SCOC: variants seen among roughly 807,000 people sequenced by gnomAD.
SCOC encodes short coiled coil protein.
In SCOC, 7 loss-of-function variants were observed where a neutral mutation model predicts 9.9. The observed-to-expected ratio is 0.71, with a 90% CI of 0.40 to 1.33. The LOEUF is 1.33. SCOC is among the 40% of genes most tolerant of loss of function. SCOC has a pLI of 0.01. For synonymous variants in SCOC, 19 were observed against 28.2 expected (o/e 0.67, Z 1.03); for missense variants, 66 against 89.7 (o/e 0.74, Z 1.07).
chr4:140,377,237 A>C (rs1728381432), intron 1 of SCOC, among the ~76,000 whole-genome samples: 1 of 152,168 alleles, frequency 6.6e-6, no homozygotes, highest in African/African-American at 2.4e-5. Flanking sequence ...TTTCACTGAC[A>C]CTCTTCCTCT....
chr4:140,361,654 C>T (rs1578858716), intron 2 of SCOC, among the ~76,000 whole-genome samples: 1 of 152,088 alleles, frequency 6.6e-6, no homozygotes, highest in East Asian at 1.9e-4. Context: ...GTGAGATCCT[C>T]TCTCTAAATA....
intron 3 of SCOC, 130 bp downstream of exon 3, chr4:140,379,782 A>G (rs539820325): frequency 3.0e-4 from 189 of 624,116 alleles, no homozygotes; most frequent in Non-Finnish European, 4.7e-4. Flanking sequence ...ACACACATAT[A>G]TATATCTATC....
intron 1 of SCOC, among the ~76,000 whole-genome samples, chr4:140,296,489 T>A (rs1731640507): frequency 6.6e-6 from 1 of 152,204 alleles, no homozygotes; most frequent in African/African-American, 2.4e-5. Context: ...AATGGCCACG[T>A]GCCTGGGTTA....
chr4:140,363,185 G>C (rs1258606159), intron 2 of SCOC, among the ~76,000 whole-genome samples: 2 of 152,140 alleles, frequency 1.3e-5, no homozygotes, highest in Admixed American at 1.3e-4. Flanking sequence ...CAACAAATCA[G>C]CATGAAGCTC....
At chr4:140,309,127 G>C (rs1732077753) in intron 1 of SCOC, among the ~76,000 whole-genome samples, 1 of 152,212 alleles carries the variant, frequency 6.6e-6, no homozygotes, top group Non-Finnish European at 1.5e-5. Context: ...AGCTGAAAGG[G>C]ATCATTGATA....
chr4:140,269,030 A>G (rs529800054), intron 1 of SCOC, among the ~76,000 whole-genome samples: 9 of 152,328 alleles, frequency 5.9e-5, no homozygotes, highest in East Asian at 5.8e-4. Context: ...CTGGCTTCCA[A>G]TGAAATATTG....
At chr4:140,374,582 A>T (rs772161139) in intron 1 of SCOC, among the ~76,000 whole-genome samples, 14 of 152,240 alleles carry the variant, frequency 9.2e-5, no homozygotes, top group Non-Finnish European at 1.8e-4. Flanking sequence ...AAGTCAAAGC[A>T]GAACTTGAAC....
intron 1 of SCOC, among the ~76,000 whole-genome samples, chr4:140,265,318 G>T (rs1006916925): frequency 1.3e-5 from 2 of 152,174 alleles, no homozygotes; most frequent in Non-Finnish European, 2.9e-5. Context: ...CTCTCAGTTT[G>T]CCTGTTCTCT....
At chr4:140,277,783 C>T (rs939216389) in intron 1 of SCOC, among the ~76,000 whole-genome samples, 5 of 152,226 alleles carry the variant, frequency 3.3e-5, no homozygotes, top group African/African-American at 7.2e-5. Flanking sequence ...AATACACACA[C>T]AGAGGATGCA....
chr4:140,270,382 A>G (rs1213238291), intron 1 of SCOC, among the ~76,000 whole-genome samples: 2 of 152,266 alleles, frequency 1.3e-5, no homozygotes, highest in African/African-American at 2.4e-5. Context: ...CACCCAGGCT[A>G]GAATGCAGTG....
chr4:140,368,828 T>C (rs1262859418), upstream of SCOC, among the ~76,000 whole-genome samples: 1 of 152,200 alleles, frequency 6.6e-6, no homozygotes, highest in South Asian at 2.1e-4. Flanking sequence ...ATTTAACCTT[T>C]TATCTGTAGC....
At chr4:140,351,178 G>A (rs1315356406) in intron 2 of SCOC, among the ~76,000 whole-genome samples, 1 of 150,662 alleles carries the variant, frequency 6.6e-6, no homozygotes, top group Non-Finnish European at 1.5e-5. Flanking sequence ...CAACAAGAGC[G>A]AGACTTTATC....
intron 1 of SCOC, among the ~76,000 whole-genome samples, chr4:140,262,156 T>C (rs1730646173): frequency 6.6e-6 from 1 of 152,228 alleles, no homozygotes; most frequent in African/African-American, 2.4e-5. Context: ...TCCATGTAGT[T>C]TGACCAGGGT....
chr4:140,302,542 G>A (rs1189195040), intron 1 of SCOC, among the ~76,000 whole-genome samples: 2 of 152,126 alleles, frequency 1.3e-5, no homozygotes, highest in South Asian at 2.1e-4. Flanking sequence ...TGAGGCTTTC[G>A]TTCTCCCATT....
intron 1 of SCOC, among the ~76,000 whole-genome samples, chr4:140,310,684 G>A (rs2126466593): frequency 6.6e-6 from 1 of 152,268 alleles, no homozygotes; most frequent in South Asian, 2.1e-4. Context: ...TTTCCCTGAG[G>A]GACTAGTCAT....
rs531343539 is a variant in SCOC, at chr4:140,280,125, A to G, written c.-19+22715A>G. ...TCCATTGTGTCGTGATTTTTTTGTC[A>G]GTTTGTTTTGAGACAGGGTCTAGCT... On this transcript the variant is annotated intron_variant, in intron 1 of 4. Coordinates refer to the SCOC transcript ENST00000394205. 2.6e-5 allele frequency among the ~76,000 whole-genome samples: 4 copies of G among 151,958 alleles called. No homozygotes were observed. In the East Asian group the frequency reaches 5.8e-4, roughly 22 times the overall value.
rs1473632928 is a variant in SCOC, at chr4:140,287,197, ACAT to A, written c.-19+29791_-19+29793del. On this transcript the variant is annotated intron_variant, in intron 1 of 4. Transcript: ENST00000394205. ...CCATGTACACACATGCTACACACAC[ACAT>A]CATGTGCAAATGCCACACAGACCAT... is the stretch of plus-strand genomic sequence containing the variant. 2.6e-5 allele frequency among the ~76,000 whole-genome samples: 4 copies of A among 151,996 alleles called. No homozygotes were observed. In the East Asian group the frequency reaches 5.8e-4, roughly 22 times the overall value.
rs1416500628 is a variant in SCOC at position 140,381,466 on chromosome 4, A to G, written c.*362A>G. On this transcript the variant is annotated 3_prime_UTR_variant, in exon 4 of 4. Transcript: ENST00000608372. ...GAAAAAGTGACCAAAATCATGTACTAAATGCACAGCTTTATGTACCCTGTC... is the reference window on the plus strand; with the variant it reads ...GAAAAAGTGACCAAAATCATGTACTGAATGCACAGCTTTATGTACCCTGTC... 1.2e-5 allele frequency: 2 copies of G among 160,514 alleles called. No homozygotes were observed. Among genetic ancestry groups the G allele is most frequent in the East Asian group, 1.9e-4 (1 of 5,356 alleles). 9.9% of individuals were successfully genotyped at this position (160,514 alleles called of 1,614,324 possible). A position where few individuals can be genotyped will look rare whatever the true frequency, so the allele number is the denominator to read the frequency against.
chr4:140,292,335 C>T (rs1407403430), intron 1 of SCOC, among the ~76,000 whole-genome samples: 3 of 151,948 alleles, frequency 2.0e-5, no homozygotes, highest in Admixed American at 6.6e-5. Context: ...GCTACAGGTG[C>T]GTGCCACCAT....
Sources: gnomAD v4.1 joint callset for allele counts (sites outside exome capture counted in the v4.1 genomes callset) on GRCh38, gnomAD v4.1.1 for gene constraint, MANE v1.5 for transcripts, NCBI Gene and HGNC (gene_info 2026-07-23, HGNC 2026-07-21) for gene names.